PARP1: variants seen among roughly 807,000 people sequenced by gnomAD.
The protein encoded by PARP1 is poly(ADP-ribose) polymerase 1.
A neutral mutation model predicts 118.7 loss-of-function variants in PARP1; 44 were observed. That is an observed-to-expected ratio of 0.37 (90% confidence interval 0.29 to 0.48). PARP1 has a LOEUF of 0.48. Among genes scored for constraint, PARP1 ranks in the 20% least tolerant of loss-of-function variants. The pLI, the probability that PARP1 is intolerant of heterozygous loss-of-function variation, is 0.99. For missense variants in PARP1, 1,100 were observed against 1,272.4 expected (o/e 0.86, Z 2.06); for synonymous variants, 492 against 483.2 (o/e 1.02, Z -0.24).
chr1:226,370,651 C>A, intron 14 of PARP1, 134 bp from the exon 15 acceptor site: 1 of 737,060 alleles, frequency 1.4e-6, no homozygotes, highest in Non-Finnish European at 2.5e-6. Flanking sequence ...CTGAGGACAC[C>A]AGTGACCCAA....
At chr1:226,393,593 G>C (rs1276841731) in intron 2 of PARP1, among the ~76,000 whole-genome samples, 1 of 152,242 alleles carries the variant, frequency 6.6e-6, no homozygotes, top group Non-Finnish European at 1.5e-5. Flanking sequence ...ATTGCTCTGA[G>C]TGAAGAAAGC....
chr1:226,407,761 A>T (rs1351806551), intron 1 of PARP1, 49 bp downstream of exon 1: 1 of 1,486,238 alleles, frequency 6.7e-7, no homozygotes, highest in Non-Finnish European at 9.0e-7. Flanking sequence ...GGACACAGTT[A>T]ACCCGGGGCG....
In PARP1 at chr1:226,366,907, G is replaced by A. The variant is rs3219129; in HGVS notation, c.2406+573C>T. ...TGAGGACAATGGGGCACATGAGTGT[G>A]GAGATAGGCTCAAGGACCGGGCCAT... On this transcript the variant is annotated intron_variant, in intron 17 of 22. Transcript: ENST00000366794. The A allele has an allele frequency of 6.5e-3, 1,198 of 183,080 alleles. 19 individuals carry two copies. Among genetic ancestry groups the A allele is most frequent in the African/African-American group, 0.027 (1,123 of 42,054 alleles). 11.3% of individuals were successfully genotyped at this position (183,080 alleles called of 1,614,324 possible). A position where few individuals can be genotyped will look rare whatever the true frequency, so the allele number is the denominator to read the frequency against.
chr1:226,371,196 C>G, intron 14 of PARP1: 1 of 156,444 alleles, frequency 6.4e-6, no homozygotes, highest in Non-Finnish European at 1.4e-5. Context: ...CTCCCTTTTG[C>G]GAGCAGCCCT....
chr1:226,377,129 G>T lies in PARP1; in HGVS notation c.1920C>A (p.Pro640=), dbSNP rs758319630. 4 of 1,613,792 alleles carry T rather than the reference G, an allele frequency of 2.5e-6. No individual in the cohort carries two copies. The highest frequency in any genetic ancestry group is 2.7e-5 in the African/African-American group (2 of 74,888). Residue 640 remains proline (P), a synonymous_variant, in exon 13 of 23, where the codon CCC becomes CCA. Transcript: ENST00000366794. ...TTACCTGGCCATAGTCAATCTCCAG[G>T]GGGTAGAACTTTTTGGGATACTTCG... is the stretch of plus-strand genomic sequence containing the variant. ...NFTKYPKKFY[P]LEIDYGQDEE...
chr1:226,386,032 A>T (rs1353411142), intron 6 of PARP1, among the ~76,000 whole-genome samples: 3 of 152,222 alleles, frequency 2.0e-5, no homozygotes, highest in Non-Finnish European at 4.4e-5. Context: ...GGAAACCATC[A>T]TGCCACCCCT....
In PARP1 at chr1:226,368,682, AT is replaced by A. The variant is rs1453721524; in HGVS notation, c.2155-362del. On this transcript the variant is annotated intron_variant, in intron 15 of 22. Coordinates refer to ENST00000366794, the MANE Select transcript of PARP1 (RefSeq NM_001618.4). ...CTGTAAAATTCCTTCAACTTTTTGT[AT>A]GTTTGAAACATTTTCATAATAAAAT... Among the ~76,000 whole-genome samples, 8 of 152,158 alleles carry A rather than the reference AT, an allele frequency of 5.3e-5. No individual in the cohort carries two copies. In the East Asian group the frequency reaches 1.5e-3, roughly 29 times the overall value.
rs756306267 is a variant in PARP1, at chr1:226,374,358, C to T, written c.1942-4G>A. ...GCTTCTTCACTGCCTCTTCATCCTT[C>T]AGGAAAAAAGCACATTGCTAAGAGA... On this transcript the variant is annotated splice_polypyrimidine_tract_variant and splice_region_variant and intron_variant, in intron 13 of 22. Coordinates refer to ENST00000366794, the MANE Select transcript of PARP1 (RefSeq NM_001618.4). The T allele has an allele frequency of 6.2e-7, 1 of 1,614,140 alleles. No individual in the cohort carries two copies. Among genetic ancestry groups the T allele is most frequent in the Non-Finnish European group, 8.5e-7 (1 of 1,180,026 alleles).
At position 226,392,236 on chromosome 1, in the gene PARP1, C is replaced by T. The variant is rs1481258529; in HGVS notation, c.365G>A (p.Arg122Lys). ...DFAAEYAKSNRSTCKGCMEKI... is the reference protein window; with the variant it reads ...DFAAEYAKSNKSTCKGCMEKI... ...CTCCATACACCCCTTGCACGTACTT[C>T]TGTTGGACTTGGCATACTCTGCTGC... The change falls in exon 3 of 23, where the codon AGA (arginine) becomes AAA (lysine). Residue 122 changes from arginine to lysine, a missense_variant. Around this residue, in one of 2 missense-constraint regions of PARP1, gnomAD observed 948 missense variants for 1,031.8 expected, o/e 0.92. Coordinates refer to ENST00000366794, the MANE Select transcript of PARP1 (RefSeq NM_001618.4). 6.2e-7 allele frequency: 1 copy of T among 1,614,042 alleles called. No individual in the cohort carries two copies. Among genetic ancestry groups the T allele is most frequent in the Admixed American group, 1.7e-5 (1 of 60,034 alleles).
intron 15 of PARP1, among the ~76,000 whole-genome samples, chr1:226,369,929 C>T (rs1347269994): frequency 6.7e-6 from 1 of 148,228 alleles, no homozygotes; most frequent in African/African-American, 2.5e-5. Context: ...GCACTCCAGC[C>T]TGGGGGACAG....
At chr1:226,399,682 C>T (rs1001630582) in intron 2 of PARP1, among the ~76,000 whole-genome samples, 3 of 152,112 alleles carry the variant, frequency 2.0e-5, no homozygotes, top group Admixed American at 6.5e-5. Flanking sequence ...CGAGGGATAA[C>T]GATGTGTCAA....
chr1:226,373,468 A>T (rs1266325165), intron 14 of PARP1, among the ~76,000 whole-genome samples: 1 of 152,098 alleles, frequency 6.6e-6, no homozygotes, highest in Non-Finnish European at 1.5e-5. Context: ...AGTACTTAAG[A>T]GCTCTGATGC....
At chr1:226,390,649 C>A in intron 3 of PARP1, 25 bp from the exon 4 acceptor site, 8 of 1,604,294 alleles carry the variant, frequency 5.0e-6, no homozygotes, top group Non-Finnish European at 6.8e-6. Flanking sequence ...ATATGTGGTA[C>A]CAAGGGAGCG....
Position 226,386,331 on chromosome 1 carries a change from A to T in PARP1, c.829T>A (p.Ser277Thr). The T allele has an allele frequency of 6.2e-7, 1 of 1,601,252 alleles. No individual in the cohort carries two copies. The highest frequency in any genetic ancestry group is 8.6e-7 in the Non-Finnish European group (1 of 1,168,682). The change falls in exon 6 of 23, where the codon TCG (serine) becomes ACG (threonine). Residue 277 changes from serine to threonine, a missense_variant. Ser to Thr is a moderately conservative substitution (Grantham distance 58). Transcript: ENST00000366794. ...FNKQQVPSGE[S>T]AILDRVADGM... ...TTAACACAAAGGCAGCTCACCGCCG[A>T]CTCCCCAGAAGGCACTTGCTGCTTG...
intron 2 of PARP1, among the ~76,000 whole-genome samples, chr1:226,396,412 C>CAAAAAA (rs34854741): frequency 1.5e-5 from 2 of 133,814 alleles, no homozygotes; most frequent in African/African-American, 5.5e-5. Context: ...ATTTTGCCAC[C>CAAAAAA]AAAAAAAAAA....
In PARP1 at chr1:226,361,254, A is replaced by G; in HGVS notation, c.*206T>C. The G allele has an allele frequency of 1.6e-6, 1 of 621,016 alleles. No homozygotes were observed. The allele number at this position is 621,016 out of a possible 1,614,324, so 38.5% of individuals were successfully genotyped here. On this transcript the variant is annotated 3_prime_UTR_variant, in exon 23 of 23. Transcript: ENST00000366794. ...CAAGAAAAAACAAAAACAACCCCAA[A>G]ACAACCCCTCCCCACAGACACAACA...
At position 226,379,161 on chromosome 1, in the gene PARP1, C is replaced by T. The variant is rs572705679; in HGVS notation, c.1726G>A (p.Glu576Lys). 2 of 1,614,256 alleles carry T rather than the reference C, an allele frequency of 1.2e-6. No homozygotes were observed. Among genetic ancestry groups the T allele is most frequent in the Admixed American group, 1.7e-5 (1 of 60,034 alleles). Residue 576 changes from glutamate to lysine, a missense_variant, in exon 12 of 23, where the codon GAG (glutamate) becomes AAG (lysine). Glu to Lys is a moderately conservative substitution (Grantham distance 56, BLOSUM62 1). Around this residue, in one of 2 missense-constraint regions of PARP1, gnomAD observed 948 missense variants for 1,031.8 expected, o/e 0.92. Coordinates refer to ENST00000366794, the MANE Select transcript of PARP1 (RefSeq NM_001618.4). ...ACTCACCTGTTTTCCTTGTCGTCCT[C>T]CAGAAGCTGCAGCTTGTAGTAGGAG... ...TNSYYKLQLLEDDKENRYWIF... is the reference protein window; with the variant it reads ...TNSYYKLQLLKDDKENRYWIF...
rs955319665 is a variant in PARP1 at position 226,364,947 on chromosome 1, T to C, written c.2658+55A>G. The C allele has an allele frequency of 1.1e-5, 18 of 1,601,880 alleles. No individual in the cohort carries two copies. In the African/African-American group the frequency reaches 2.4e-4, roughly 21 times the overall value. On this transcript the variant is annotated intron_variant, in intron 19 of 22. Coordinates refer to ENST00000366794, the MANE Select transcript of PARP1 (RefSeq NM_001618.4). Reference sequence around the variant, plus strand: ...TAGACCTCTTGCTCAAAGTTCTTTATGGAGACACCTGCAGAGACAGGCATT... The same window carrying C: ...TAGACCTCTTGCTCAAAGTTCTTTACGGAGACACCTGCAGAGACAGGCATT...
At chr1:226,369,006 C>T (rs1664325839) in intron 15 of PARP1, among the ~76,000 whole-genome samples, 1 of 152,200 alleles carries the variant, frequency 6.6e-6, no homozygotes, top group African/African-American at 2.4e-5. Context: ...CGAAGCCCCA[C>T]GCCTGCTTCT....
Sources: allele counts gnomAD v4.1 joint callset (sites outside exome capture counted in the v4.1 genomes callset), GRCh38; gene constraint gnomAD v4.1.1; regional missense constraint gnomAD v4.1.1; transcripts MANE v1.5; gene names NCBI Gene and HGNC (gene_info 2026-07-23, HGNC 2026-07-21).